Variants in ZSWIM4 observed in about 807,000 individuals in gnomAD.
ZSWIM4 encodes zinc finger SWIM-type containing 4.
ZSWIM4 carries 62 observed loss-of-function variants against 102.5 expected under a neutral mutation model. The observed-to-expected ratio is 0.60, with a 90% CI of 0.49 to 0.75. The LOEUF (loss-of-function observed/expected upper bound fraction) is 0.75, where lower values mean the gene tolerates loss of function less well. Among genes scored for constraint, ZSWIM4 ranks in the 30% least tolerant of loss-of-function variants. The pLI is 0.00. For missense variants in ZSWIM4, 1,280 were observed against 1,529.6 expected (o/e 0.84, Z 2.72); for synonymous variants, 652 against 674.5 (o/e 0.97, Z 0.52).
intron 5 of ZSWIM4, among the ~76,000 whole-genome samples, chr19:13,810,211 G>T (rs539498886): frequency 1.9e-4 from 29 of 151,910 alleles, no homozygotes; most frequent in African/African-American, 6.8e-4. Context: ...GTTAGGCAGG[G>T]TTGTCTTGAT....
intron 5 of ZSWIM4, among the ~76,000 whole-genome samples, chr19:13,810,054 G>T (rs1975033549): frequency 1.3e-5 from 2 of 150,720 alleles, no homozygotes; most frequent in Non-Finnish European, 1.5e-5. Context: ...GAGTGCAGTG[G>T]TACTATCTTG....
chr19:13,817,575 C>A, intron 8 of ZSWIM4, 147 bp from the exon 9 acceptor site: 1 of 1,127,204 alleles, frequency 8.9e-7, no homozygotes, highest in Non-Finnish European at 1.2e-6. Flanking sequence ...GGGGCTCCCG[C>A]GCTCCCCCAA....
chr19:13,818,604 C>T (rs889728073), intron 9 of ZSWIM4, among the ~76,000 whole-genome samples: 1 of 152,238 alleles, frequency 6.6e-6, no homozygotes, highest in Non-Finnish European at 1.5e-5. Context: ...CACTCTGTCA[C>T]CCAGGCTGGA....
At chr19:13,800,136 C>G (rs1434243841) in intron 2 of ZSWIM4, among the ~76,000 whole-genome samples, 1 of 140,214 alleles carries the variant, frequency 7.1e-6, no homozygotes, top group Non-Finnish European at 1.5e-5. Flanking sequence ...GGCGCGATCT[C>G]GGCTCACTGC....
chr19:13,819,307 G>A, intron 9 of ZSWIM4, 50 bp from the exon 10 acceptor site: 1 of 1,606,934 alleles, frequency 6.2e-7, no homozygotes, highest in African/African-American at 1.3e-5. Flanking sequence ...ACCTGGGGAA[G>A]GGCAGAGGCG....
At chr19:13,818,076 G>T (rs935712898) in intron 9 of ZSWIM4, 100 bp downstream of exon 9, 1 of 1,177,432 alleles carries the variant, frequency 8.5e-7, no homozygotes, top group Non-Finnish European at 1.1e-6. Context: ...CCCCGCCCCA[G>T]CCCCGCCCCT....
At position 13,830,472 on chromosome 19, in the gene ZSWIM4, G is replaced by A. The variant is rs772259206; in HGVS notation, c.2743G>A (p.Gly915Ser). 4 of 1,602,608 alleles carry A rather than the reference G, an allele frequency of 2.5e-6. No individual in the cohort carries two copies. Among genetic ancestry groups the A allele is most frequent in the Non-Finnish European group, 3.4e-6 (4 of 1,179,646 alleles). ...CCAGATCGTGCTGGACGCGGCGGCC[G>A]GCGGCCTGGGCCACGCCCACCTCTT... The part of the protein sequence containing the change: ...AYQIVLDAAA[G>S]GLGHAHLFTV... The change falls in exon 14 of 14, where the codon GGC becomes AGC. Residue 915 changes from glycine to serine, a missense_variant. Gly to Ser is a moderately conservative substitution (Grantham distance 56). Coordinates refer to ENST00000590508, the MANE Select transcript of ZSWIM4 (RefSeq NM_001367834.3).
intron 5 of ZSWIM4, among the ~76,000 whole-genome samples, chr19:13,810,062 T>C (rs930166783): frequency 6.6e-6 from 1 of 151,636 alleles, no homozygotes; most frequent in Non-Finnish European, 1.5e-5. Context: ...TGGTACTATC[T>C]TGGCTCACTG....
chr19:13,816,159 A>G (rs1245507304), intron 7 of ZSWIM4, among the ~76,000 whole-genome samples: 1 of 152,042 alleles, frequency 6.6e-6, no homozygotes, highest in Non-Finnish European at 1.5e-5. Flanking sequence ...TGAGAGAGCT[A>G]GTCGATGGGG....
In ZSWIM4 at chr19:13,817,912, G is replaced by T. The variant is rs1373160013; in HGVS notation, c.1860G>T (p.Glu620Asp). Residue 620 changes from glutamate (E) to aspartate (D), a missense_variant, in exon 9 of 14, where the codon GAG (glutamate) becomes GAT (aspartate). Coordinates refer to ENST00000590508, the MANE Select transcript of ZSWIM4 (RefSeq NM_001367834.3). ...AGGAGCAGCTGCTGGCCCTGCTGGAGGAGGTGGAGTTGGATGAGCGGTTGG... is the reference window on the plus strand; with the variant it reads ...AGGAGCAGCTGCTGGCCCTGCTGGATGAGGTGGAGTTGGATGAGCGGTTGG... ...RNEEQLLALL[E>D]EVELDERLVQ... 1 of 1,547,942 alleles carries T rather than the reference G, an allele frequency of 6.5e-7. No individual in the cohort carries two copies. The highest frequency in any genetic ancestry group is 1.2e-5 in the South Asian group (1 of 83,654).
At position 13,831,420 on chromosome 19, in the gene ZSWIM4, A is replaced by G. The variant is rs77843146; in HGVS notation, c.*370A>G. ...TTCCAGAAATCGACCCTCTAAGTCA[A>G]TGTAGCACATTTTCCCCCAACCCCA... On this transcript the variant is annotated 3_prime_UTR_variant, in exon 14 of 14. Coordinates refer to ENST00000590508, the MANE Select transcript of ZSWIM4 (RefSeq NM_001367834.3). 9.8e-3 allele frequency: 1,801 copies of G among 184,196 alleles called. 35 individuals carry two copies. Among genetic ancestry groups the G allele is most frequent in the African/African-American group, 0.04 (1,694 of 42,526 alleles). 11.4% of individuals were successfully genotyped at this position (184,196 alleles called of 1,614,324 possible).
At chr19:13,811,217 G>A (rs116549196) in intron 5 of ZSWIM4, among the ~76,000 whole-genome samples, 2,795 of 152,018 alleles carry the variant, frequency 0.018, 86 homozygotes, top group African/African-American at 0.064. Flanking sequence ...CGGCCAACAT[G>A]TGTTTTCTGT....
At chr19:13,815,950 TAAA>T (rs1172573879) in intron 7 of ZSWIM4, among the ~76,000 whole-genome samples, 1 of 75,336 alleles carries the variant, frequency 1.3e-5, no homozygotes. Flanking sequence ...CTCAAAAAAT[TAAA>T]AAAAAAAAAA....
At position 13,830,909 on chromosome 19, in the gene ZSWIM4, C is replaced by G; in HGVS notation, c.3180C>G (p.Ile1060Met). The G allele has an allele frequency of 6.2e-7, 1 of 1,614,236 alleles. No individual in the cohort carries two copies. The highest frequency in any genetic ancestry group is 8.5e-7 in the Non-Finnish European group (1 of 1,180,042). ...GCCCGCGGCACTATGGGGATTTCAT[C>G]GAATTCCTGGGCAAGGCCCGGGAGA... ...HISPRHYGDF[I>M]EFLGKARETF... Residue 1060 changes from isoleucine to methionine, a missense_variant, in exon 14 of 14, where the codon ATC (isoleucine) becomes ATG (methionine). By Grantham distance (10) the Ile-to-Met change is conservative (BLOSUM62 1). Transcript: ENST00000590508.
intron 10 of ZSWIM4, 73 bp from the exon 11 acceptor site, chr19:13,823,273 G>A (rs1975515916): frequency 1.3e-6 from 2 of 1,503,990 alleles, no homozygotes; most frequent in Admixed American, 2.0e-5. Flanking sequence ...TGGGCCAGGA[G>A]GCTTCTCTGT....
rs1358827719 is a variant in ZSWIM4, at chr19:13,799,933, TC to T, written c.355+17del. On this transcript the variant is annotated intron_variant, in intron 2 of 13. Coordinates refer to ENST00000590508, the MANE Select transcript of ZSWIM4 (RefSeq NM_001367834.3). Reference sequence around the variant, plus strand: ...CGTGTTGCAAGTGGGTGAGTCTTTGTCCCCCACTCCTGCTGGGGAGGCCAGG... The same window carrying T: ...CGTGTTGCAAGTGGGTGAGTCTTTGTCCCCACTCCTGCTGGGGAGGCCAGG... 4 of 1,604,978 alleles carry T rather than the reference TC, an allele frequency of 2.5e-6. No individual in the cohort carries two copies. The highest frequency in any genetic ancestry group is 1.1e-5 in the South Asian group (1 of 90,836).
In ZSWIM4 at chr19:13,831,985, T is replaced by G. The variant is rs1975780193; in HGVS notation, c.*935T>G. On this transcript the variant is annotated 3_prime_UTR_variant, in exon 14 of 14. Coordinates refer to ENST00000590508, the MANE Select transcript of ZSWIM4 (RefSeq NM_001367834.3). ...TGGCCATCCTTCCTTTCCCCCACCT[T>G]GACCCAGGGAGGAGAAGGGAGAACA... 1 of 151,384 alleles carries G rather than the reference T, an allele frequency of 6.6e-6. No homozygotes were observed. The highest frequency in any genetic ancestry group is 2.1e-4 in the South Asian group (1 of 4,782). The allele number at this position is 151,384 out of a possible 1,614,324, so 9.4% of individuals were successfully genotyped here.
chr19:13,818,014 G>A (rs1284407415), intron 9 of ZSWIM4, 38 bp downstream of exon 9: 18 of 1,461,782 alleles, frequency 1.2e-5, no homozygotes, highest in Non-Finnish European at 1.6e-5. Context: ...TTGCTGAAGG[G>A]TAGGGTCCAG....
At chr19:13,810,676 C>T (rs1398776240) in intron 5 of ZSWIM4, among the ~76,000 whole-genome samples, 1 of 151,862 alleles carries the variant, frequency 6.6e-6, no homozygotes, top group Non-Finnish European at 1.5e-5. Flanking sequence ...GTGGCACAAT[C>T]TCAGCTCACT....
Sources: allele counts gnomAD v4.1 joint callset (sites outside exome capture counted in the v4.1 genomes callset), GRCh38; gene constraint gnomAD v4.1.1; transcripts MANE v1.5; gene names NCBI Gene and HGNC (gene_info 2026-07-23, HGNC 2026-07-21).